The following CSMD3 variants were observed in gnomAD, a reference collection of about 807,000 sequenced individuals.
CSMD3 encodes CUB and Sushi multiple domains 3, also known as CUB and sushi domain-containing protein 3.
CSMD3 carries 177 observed loss-of-function variants against 435.2 expected under a neutral mutation model. The observed-to-expected ratio is 0.41, with a 90% CI of 0.36 to 0.46. The LOEUF is 0.46. CSMD3 is among the 20% of genes least tolerant of loss of function. The pLI is 0.34. For missense variants in CSMD3, 4,265 were observed against 4,504.6 expected, an observed-to-expected ratio of 0.95 and a Z score of 1.52; for synonymous variants, 1,656 against 1,520.5, an observed-to-expected ratio of 1.09 and a Z score of -2.07.
At chr8:112,778,566 T>C (rs2078302523) in intron 13 of CSMD3, among the ~76,000 whole-genome samples, 1 of 151,962 alleles carries the variant, frequency 6.6e-6, no homozygotes, top group African/African-American at 2.4e-5. Context: ...CGCCATAGTT[T>C]ATTTATCCAT....
chr8:113,115,692 G>A (rs192394042), intron 4 of CSMD3, among the ~76,000 whole-genome samples: 1 of 152,230 alleles, frequency 6.6e-6, no homozygotes, highest in East Asian at 1.9e-4. Context: ...TATCTCTAGT[G>A]AAACTTTGTG....
chr8:112,337,685 A>G lies in CSMD3; in HGVS notation c.6699T>C (p.Gly2233=). 1 of 1,613,816 alleles carries G rather than the reference A, an allele frequency of 6.2e-7. No homozygotes were observed. Among genetic ancestry groups the G allele is most frequent in the Non-Finnish European group, 8.5e-7 (1 of 1,179,782 alleles). ...SCPDPRPFRN[G]FVIGNDFTVG... ...CAGTAAAATCATTACCAATTACAAA[A>G]CCATTTCGAAACGGGCGTGGATCAG... Residue 2233 remains glycine, a synonymous_variant, in exon 43 of 71, where the codon GGT becomes GGC. Coordinates refer to ENST00000297405, the MANE Select transcript of CSMD3 (RefSeq NM_198123.2).
intron 24 of CSMD3, among the ~76,000 whole-genome samples, chr8:112,560,749 A>G (rs1457127728): frequency 2.0e-5 from 3 of 151,752 alleles, no homozygotes; most frequent in Non-Finnish European, 4.4e-5. Flanking sequence ...TTAAAATTTC[A>G]GAACATATTA....
intron 10 of CSMD3, among the ~76,000 whole-genome samples, chr8:112,920,939 A>G (rs1430637930): frequency 6.7e-6 from 1 of 149,264 alleles, no homozygotes; most frequent in African/African-American, 2.5e-5. Flanking sequence ...ACACACACAC[A>G]CGCACATATA....
At chr8:113,259,874 A>G (rs1280118115) in intron 3 of CSMD3, among the ~76,000 whole-genome samples, 4 of 152,038 alleles carry the variant, frequency 2.6e-5, no homozygotes, top group Admixed American at 6.6e-5. Flanking sequence ...CTTATCTTCA[A>G]TTGTAGTTCC....
chr8:112,228,912 T>A, intron 69 of CSMD3, 21 bp from the exon 70 acceptor site: 1 of 1,235,370 alleles, frequency 8.1e-7, no homozygotes, highest in Non-Finnish European at 1.2e-6. Flanking sequence ...AAAAATAAAT[T>A]ATAAATACAC....
intron 65 of CSMD3, among the ~76,000 whole-genome samples, chr8:112,242,851 A>G (rs1814298751): frequency 6.6e-6 from 1 of 152,128 alleles, no homozygotes. Flanking sequence ...AGTAATCTAC[A>G]TAAGGACAGC....
At chr8:112,928,235 G>A (rs1022618942) in intron 9 of CSMD3, among the ~76,000 whole-genome samples, 1 of 152,080 alleles carries the variant, frequency 6.6e-6, no homozygotes, top group Admixed American at 6.6e-5. Flanking sequence ...AAACGCAAAA[G>A]CCCTAGGCAA....
chr8:112,287,243 T>A lies in CSMD3; in HGVS notation c.9152A>T (p.Asp3051Val), dbSNP rs2130637520. 6.2e-7 allele frequency: 1 copy of A among 1,613,526 alleles called. No homozygotes were observed. The highest frequency in any genetic ancestry group is 2.2e-5 in the East Asian group (1 of 44,866). Residue 3051 changes from aspartate to valine, a missense_variant, in exon 58 of 71, where the codon GAT (aspartate) becomes GTT (valine). Transcript: ENST00000297405. Reference protein sequence around the residue: ...WSGSQPHCSGDATGTCGDPGT... With the variant: ...WSGSQPHCSGVATGTCGDPGT... The stretch of plus-strand genomic sequence containing the variant: ...TGGATCGCCACATGTCCCAGTAGCA[T>A]CACCTGCAATGCAGTACAGTTCAAG...
chr8:113,287,650 T>C (rs2093656714), intron 2 of CSMD3, among the ~76,000 whole-genome samples: 2 of 152,040 alleles, frequency 1.3e-5, no homozygotes, highest in African/African-American at 4.8e-5. Flanking sequence ...TAAATATTTG[T>C]CAGTGAAGCA....
chr8:112,725,638 T>C (rs2194597), intron 13 of CSMD3, among the ~76,000 whole-genome samples: 50,374 of 151,548 alleles, frequency 0.33, 9,233 homozygotes, highest in African/African-American at 0.5. Context: ...GAGAATTGGC[T>C]AGAAACTGCT....
intron 24 of CSMD3, among the ~76,000 whole-genome samples, chr8:112,567,711 C>A (rs1285833027): frequency 1.3e-5 from 2 of 152,018 alleles, no homozygotes; most frequent in African/African-American, 4.8e-5. Flanking sequence ...GGCAGAATAA[C>A]CTACTGGGTT....
chr8:112,339,729 A>T (rs1824922430), intron 42 of CSMD3, among the ~76,000 whole-genome samples: 1 of 152,154 alleles, frequency 6.6e-6, no homozygotes, highest in Non-Finnish European at 1.5e-5. Context: ...AACTTTTCCA[A>T]ATTCAGAAGG....
intron 6 of CSMD3, among the ~76,000 whole-genome samples, chr8:112,977,333 A>G (rs895421041): frequency 2.0e-5 from 3 of 152,082 alleles, no homozygotes; most frequent in Non-Finnish European, 1.5e-5. Context: ...GTTTTTATAC[A>G]CTTTTCTTCG....
intron 27 of CSMD3, among the ~76,000 whole-genome samples, chr8:112,549,687 A>C (rs1014296021): frequency 2.0e-5 from 3 of 152,156 alleles, no homozygotes; most frequent in African/African-American, 7.2e-5. Context: ...ATTAGGTACC[A>C]GTTATCTACT....
intron 1 of CSMD3, among the ~76,000 whole-genome samples, chr8:113,409,615 T>C (rs1444404200): frequency 1.3e-5 from 2 of 152,198 alleles, no homozygotes; most frequent in Non-Finnish European, 2.9e-5. Context: ...GCGGCATTTC[T>C]GGATTTTCAT....
At chr8:112,334,963 A>G (rs1216680430) in intron 45 of CSMD3, among the ~76,000 whole-genome samples, 2 of 152,218 alleles carry the variant, frequency 1.3e-5, no homozygotes, top group Non-Finnish European at 2.9e-5. Flanking sequence ...GAGTCACAGC[A>G]GGTTGAATAG....
At chr8:112,599,790 A>T (rs924023853) in intron 22 of CSMD3, among the ~76,000 whole-genome samples, 19 of 147,144 alleles carry the variant, frequency 1.3e-4, no homozygotes, top group African/African-American at 4.8e-4. Flanking sequence ...AACACCGTAT[A>T]TTCTCACTCA....
At chr8:113,326,237 G>A (rs1344473986) in intron 1 of CSMD3, among the ~76,000 whole-genome samples, 1 of 152,100 alleles carries the variant, frequency 6.6e-6, no homozygotes, top group Non-Finnish European at 1.5e-5. Flanking sequence ...GTTTCTGACA[G>A]TCTTTCTTTG....
Sources: gnomAD v4.1 joint callset for allele counts (sites outside exome capture counted in the v4.1 genomes callset) on GRCh38, gnomAD v4.1.1 for gene constraint, MANE v1.5 for transcripts, NCBI Gene and HGNC (gene_info 2026-07-23, HGNC 2026-07-21) for gene names.